MTCL2: variants seen among roughly 807,000 people sequenced by gnomAD.
MTCL2 encodes microtubule cross-linking factor 2.
At chr20:36,858,365 C>T in the MTCL2 span, among the ~76,000 whole-genome samples, 1 of 101,080 alleles carries the variant, frequency 9.9e-6, no homozygotes, top group Non-Finnish European at 2.0e-5. Context: ...CTGCACTTCA[C>T]TCACATCTAG....
At chr20:36,812,960 C>A in the MTCL2 span, 4 of 1,273,070 alleles carry the variant, frequency 3.1e-6, no homozygotes, top group Non-Finnish European at 4.2e-6. Context: ...GAACCACCCA[C>A]CTGAGGGCTG....
the MTCL2 span, among the ~76,000 whole-genome samples, chr20:36,822,877 C>T: frequency 6.6e-6 from 1 of 152,126 alleles, no homozygotes; most frequent in African/African-American, 2.4e-5. Flanking sequence ...CATGCCTCAG[C>T]CTCCTGAGTA....
At chr20:36,794,476 G>A in the MTCL2 span, 33 of 1,614,004 alleles carry the variant, frequency 2.0e-5, no homozygotes, top group South Asian at 2.1e-4. This position sits in a 1 kb window ranked among gnomAD's most constrained non-coding sequence, Gnocchi z 5.4. Context: ...CCCCTGGCTC[G>A]GAGCTCACAA....
the MTCL2 span, among the ~76,000 whole-genome samples, chr20:36,810,510 T>G: frequency 6.6e-6 from 1 of 152,198 alleles, no homozygotes; most frequent in African/African-American, 2.4e-5. Flanking sequence ...CATTCAGTGG[T>G]ACCCTTAAGG....
At chr20:36,827,249 C>T in the MTCL2 span, among the ~76,000 whole-genome samples, 3 of 151,466 alleles carry the variant, frequency 2.0e-5, no homozygotes, top group Admixed American at 6.6e-5. Context: ...CATGGGGTTT[C>T]GCCATGTTGG....
the MTCL2 span, among the ~76,000 whole-genome samples, chr20:36,814,831 G>A: frequency 6.6e-6 from 1 of 152,186 alleles, no homozygotes; most frequent in Non-Finnish European, 1.5e-5. Context: ...AGGTTACAGT[G>A]AGCCGAGATT....
the MTCL2 span, among the ~76,000 whole-genome samples, chr20:36,805,353 C>A: frequency 3.3e-5 from 5 of 152,150 alleles, no homozygotes; most frequent in African/African-American, 1.2e-4. Flanking sequence ...ATCCCTACCC[C>A]AGCTCACCGT....
the MTCL2 span, among the ~76,000 whole-genome samples, chr20:36,838,796 T>C: frequency 6.6e-6 from 1 of 151,774 alleles, no homozygotes; most frequent in Non-Finnish European, 1.5e-5. Flanking sequence ...GGTGAAACCC[T>C]GTCTCTACTA....
chr20:36,812,826 G>A, the MTCL2 span: 1 of 1,612,624 alleles, frequency 6.2e-7, no homozygotes, highest in Non-Finnish European at 8.5e-7. Flanking sequence ...CATTCCGGCA[G>A]GTCCCTGAAG....
chr20:36,778,100 G>C, the MTCL2 span: 1 of 386,866 alleles, frequency 2.6e-6, no homozygotes, highest in East Asian at 4.4e-5. Flanking sequence ...AGACAAGTGA[G>C]AGAGGTGAGC....
chr20:36,838,089 C>G, the MTCL2 span, among the ~76,000 whole-genome samples: 1 of 151,958 alleles, frequency 6.6e-6, no homozygotes, highest in East Asian at 1.9e-4. Context: ...GCTCTGTCGC[C>G]CAGGCTGGAG....
At chr20:36,795,946 TCTC>T in the MTCL2 span, among the ~76,000 whole-genome samples, 4 of 152,162 alleles carry the variant, frequency 2.6e-5, no homozygotes, top group Admixed American at 2.6e-4. Flanking sequence ...AGCTGCATGT[TCTC>T]CTCTGGCTCC....
At chr20:36,840,458 G>A in the MTCL2 span, among the ~76,000 whole-genome samples, 3 of 151,220 alleles carry the variant, frequency 2.0e-5, no homozygotes, top group Admixed American at 6.6e-5. Context: ...ATGAGCCACC[G>A]TGCCCTTGGC....
chr20:36,785,255 C>T, the MTCL2 span: 13 of 985,282 alleles, frequency 1.3e-5, no homozygotes, highest in Non-Finnish European at 1.4e-5. Context: ...GCGGCCTCGT[C>T]CACCCAGGGG....
chr20:36,862,098 C>T, the MTCL2 span, among the ~76,000 whole-genome samples: 2 of 152,202 alleles, frequency 1.3e-5, no homozygotes, highest in Admixed American at 6.5e-5. Flanking sequence ...TTAGGCTGGG[C>T]GGAAGTGGAC....
the MTCL2 span, among the ~76,000 whole-genome samples, chr20:36,806,907 T>C: frequency 5.9e-5 from 9 of 152,214 alleles, no homozygotes; most frequent in Non-Finnish European, 1.0e-4. Context: ...CTAGAAAGGT[T>C]TTCACCAAAT....
At chr20:36,862,854 G>C in the MTCL2 span, 2 of 1,241,234 alleles carry the variant, frequency 1.6e-6, no homozygotes, top group Non-Finnish European at 2.0e-6. Flanking sequence ...CTGCGCGGAG[G>C]GCGCGGGCTG....
At chr20:36,838,693 C>T in the MTCL2 span, among the ~76,000 whole-genome samples, 9 of 152,112 alleles carry the variant, frequency 5.9e-5, no homozygotes, top group Non-Finnish European at 8.8e-5. Flanking sequence ...CTCAGCCAGG[C>T]GCAGTGGCTC....
At chr20:36,799,887 G>A in the MTCL2 span, among the ~76,000 whole-genome samples, 1 of 152,194 alleles carries the variant, frequency 6.6e-6, no homozygotes, top group Non-Finnish European at 1.5e-5. Flanking sequence ...CTTGCAAGAT[G>A]AGAAGGTCAA....
Sources: gnomAD v4.1 joint callset for allele counts (sites outside exome capture counted in the v4.1 genomes callset) on GRCh38, gnomAD v4.1.1 for gene constraint, Gnocchi (gnomAD v3.1) non-coding constraint, MANE v1.5 for transcripts, NCBI Gene and HGNC (gene_info 2026-07-23, HGNC 2026-07-21) for gene names.